METTL8: variants seen among roughly 807,000 people sequenced by gnomAD.
The protein encoded by METTL8 is tRNA N(3)-cytidine methyltransferase METTL8, mitochondrial.
In METTL8, 32 loss-of-function variants were observed where a neutral mutation model predicts 48.7. That is an observed-to-expected ratio of 0.66 (90% CI 0.50 to 0.88). METTL8 has a LOEUF of 0.88. Among genes scored for constraint, METTL8 ranks in the 40% least tolerant of loss-of-function variants. METTL8 has a pLI of 0.00. For missense variants in METTL8, 464 were observed against 474.4 expected, an observed-to-expected ratio of 0.98 and a Z score of 0.20; for synonymous variants, 136 against 157.1, an observed-to-expected ratio of 0.87 and a Z score of 1.01.
At position 171,375,019 on chromosome 2, in the gene METTL8, C is replaced by T. The variant is rs141317099; in HGVS notation, c.144-14506G>A. ...TCGGTCTTTGTGGGCTTCACGAGAT[C>T]GATTCCTGACTACTTTGCTGTGAAT... On this transcript the variant is annotated intron_variant, in intron 2 of 9. Transcript: ENST00000375258. The T allele has an allele frequency of 7.9e-4, 805 of 1,020,462 alleles. 2 individuals carry two copies. In the African/African-American group the frequency reaches 9.4e-3, roughly 12 times the overall value. 63.2% of individuals were successfully genotyped at this position (1,020,462 alleles called of 1,614,324 possible). A position where few individuals can be genotyped will look rare whatever the true frequency, so the allele number is the denominator to read the frequency against.
intron 1 of METTL8, among the ~76,000 whole-genome samples, chr2:171,411,829 A>G (rs1188100108): frequency 6.6e-6 from 1 of 152,244 alleles, no homozygotes; most frequent in Non-Finnish European, 1.5e-5. Flanking sequence ...GATTGCTTAC[A>G]TTTAAATGTA....
rs552173493 is a variant in METTL8, at chr2:171,325,934, C to T, written c.968-28G>A. ...GAAAAAAATTGTGAAAAGAGAAACTCTTAAGGGTATTCCTTTAAAAAAAAA... is the reference window on the plus strand; with the variant it reads ...GAAAAAAATTGTGAAAAGAGAAACTTTTAAGGGTATTCCTTTAAAAAAAAA... On this transcript the variant is annotated intron_variant, in intron 8 of 9. Transcript: ENST00000375258. 30 of 1,498,146 alleles carry T rather than the reference C, an allele frequency of 2.0e-5. No individual in the cohort carries two copies. In the East Asian group the frequency reaches 6.6e-4, roughly 33 times the overall value. 92.8% of individuals were successfully genotyped at this position (1,498,146 alleles called of 1,614,324 possible).
chr2:171,372,712 C>A (rs1686492315), intron 2 of METTL8, among the ~76,000 whole-genome samples: 1 of 152,050 alleles, frequency 6.6e-6, no homozygotes, highest in Non-Finnish European at 1.5e-5. Context: ...CAATTCCTAC[C>A]TATGAGTGAG....
At chr2:171,431,065 C>T (rs894548601) in intron 1 of METTL8, among the ~76,000 whole-genome samples, 1 of 152,160 alleles carries the variant, frequency 6.6e-6, no homozygotes, top group African/African-American at 2.4e-5. Flanking sequence ...TGCGTCCCCT[C>T]TTGGCTGAGA....
intron 1 of METTL8, among the ~76,000 whole-genome samples, chr2:171,428,477 C>T (rs1468462829): frequency 6.6e-6 from 1 of 151,184 alleles, no homozygotes; most frequent in African/African-American, 2.4e-5. Context: ...GAGATTTCTT[C>T]TCAAGCAAAT....
At chr2:171,351,636 T>C (rs1287019096) in intron 3 of METTL8, among the ~76,000 whole-genome samples, 2 of 152,080 alleles carry the variant, frequency 1.3e-5, no homozygotes, top group Non-Finnish European at 2.9e-5. Context: ...TCTTTTATTT[T>C]GTTGAGCAGT....
At chr2:171,355,955 C>T (rs959862004) in intron 3 of METTL8, among the ~76,000 whole-genome samples, 4 of 151,810 alleles carry the variant, frequency 2.6e-5, no homozygotes, top group Admixed American at 1.3e-4. Context: ...GCTCATGCTC[C>T]GTGGGCTGCA....
chr2:171,360,540 T>C (rs770846807), intron 2 of METTL8, 27 bp from the exon 3 acceptor site: 3 of 1,592,010 alleles, frequency 1.9e-6, no homozygotes, highest in Admixed American at 1.7e-5. Context: ...GACTGTAAAA[T>C]ATGCTTTATC....
chr2:171,395,990 G>A (rs1205365554), intron 1 of METTL8, among the ~76,000 whole-genome samples: 1 of 152,150 alleles, frequency 6.6e-6, no homozygotes, highest in East Asian at 1.9e-4. Flanking sequence ...AAATTTGGCT[G>A]GCCAGGCACA....
At chr2:171,432,606 A>C (rs1693187990) in intron 1 of METTL8, among the ~76,000 whole-genome samples, 1 of 152,250 alleles carries the variant, frequency 6.6e-6, no homozygotes. Context: ...TAACTATTGT[A>C]GCACTCTCTA....
rs764714188 is a variant in METTL8 at position 171,358,519 on chromosome 2, C to T, written c.235+1903G>A. Among the ~76,000 whole-genome samples the T allele has an allele frequency of 6.6e-5, 10 of 152,162 alleles. 1 individual carries two copies. Among genetic ancestry groups the T allele is most frequent in the African/African-American group, 2.4e-4 (10 of 41,502 alleles). ...AAATATAAATCCATGCATTTACAAC[C>T]AACTCATTTTTGACAAAGGTGTCAA... On this transcript the variant is annotated intron_variant, in intron 3 of 9. Transcript: ENST00000375258.
chr2:171,327,479 T>C (rs1046647545), intron 7 of METTL8, among the ~76,000 whole-genome samples: 1 of 152,250 alleles, frequency 6.6e-6, no homozygotes, highest in Non-Finnish European at 1.5e-5. Context: ...GTCTCTGCCT[T>C]ATCTAAGCTA....
chr2:171,410,272 TC>T (rs1690614207), intron 1 of METTL8, among the ~76,000 whole-genome samples: 3 of 152,316 alleles, frequency 2.0e-5, no homozygotes, highest in African/African-American at 7.2e-5. Context: ...GCTTTTTAAA[TC>T]CATAACGTGG....
rs1428485445 is a variant in METTL8, at chr2:171,322,510, G to A, written c.*1662C>T. The A allele has an allele frequency of 6.6e-6, 1 of 151,312 alleles. No individual in the cohort carries two copies. The highest frequency in any genetic ancestry group is 1.5e-5 in the Non-Finnish European group (1 of 67,842). The allele number at this position is 151,312 out of a possible 1,614,324, so 9.4% of individuals were successfully genotyped here. ...CCAGCACTTTGGGAGGCCGAGGCGG[G>A]CGGATCACAAGGTCAGGAGATTGAG... On this transcript the variant is annotated 3_prime_UTR_variant, in exon 10 of 10. Transcript: ENST00000375258.
chr2:171,357,974 G>A (rs1042584373), intron 3 of METTL8, among the ~76,000 whole-genome samples: 2 of 152,136 alleles, frequency 1.3e-5, no homozygotes, highest in African/African-American at 4.8e-5. Flanking sequence ...GGGATTACAA[G>A]TGTGAGCCAC....
chr2:171,363,251 C>T (rs1445954230), intron 2 of METTL8, among the ~76,000 whole-genome samples: 1 of 151,856 alleles, frequency 6.6e-6, no homozygotes, highest in African/African-American at 2.4e-5. Flanking sequence ...GTTACAGAAT[C>T]CCCACAGAAA....
intron 2 of METTL8, among the ~76,000 whole-genome samples, chr2:171,382,723 TA>T (rs907953490): frequency 1.3e-5 from 2 of 148,202 alleles, no homozygotes; most frequent in African/African-American, 5.0e-5. Context: ...AAGTAAAATT[TA>T]AAAAAAAAGA....
intron 1 of METTL8, among the ~76,000 whole-genome samples, chr2:171,397,252 G>A (rs1295920181): frequency 1.4e-5 from 2 of 146,464 alleles, no homozygotes; most frequent in East Asian, 2.1e-4. Flanking sequence ...GGTAGTTCAC[G>A]TCTGTAATCT....
At chr2:171,404,004 TGCCTG>T (rs1296839386) in intron 1 of METTL8, among the ~76,000 whole-genome samples, 2 of 138,904 alleles carry the variant, frequency 1.4e-5, no homozygotes. Flanking sequence ...CCCTAGTGGA[TGCCTG>T]AAACTGTGAA....
Sources: gnomAD v4.1 joint callset for allele counts (sites outside exome capture counted in the v4.1 genomes callset) on GRCh38, gnomAD v4.1.1 for gene constraint, MANE v1.5 for transcripts, NCBI Gene and HGNC (gene_info 2026-07-23, HGNC 2026-07-21) for gene names.